Variants in SLC25A13 observed in about 807,000 individuals in gnomAD.
SLC25A13 encodes the protein electrogenic aspartate/glutamate antiporter SLC25A13, mitochondrial.
SLC25A13 carries 70 observed loss-of-function variants against 85.5 expected under a neutral mutation model. The ratio of observed to expected loss-of-function variants is 0.82; its 90% CI spans 0.68 to 1.00. SLC25A13 has a LOEUF of 1.00. Among genes scored for constraint, SLC25A13 ranks in the 50% least tolerant of loss-of-function variants. The pLI is 0.00. For synonymous variants in SLC25A13, 259 were observed against 288.7 expected (o/e 0.90, Z 1.04); for missense variants, 765 against 819.8 (o/e 0.93, Z 0.82).
intron 5 of SLC25A13, among the ~76,000 whole-genome samples, chr7:96,203,331 C>T (rs73710222): frequency 1.3e-5 from 2 of 152,048 alleles, no homozygotes; most frequent in Admixed American, 6.5e-5. Context: ...GAGGGGAGGT[C>T]GGTGGAGAGG....
In SLC25A13 at chr7:96,154,795, CTTTTTCTT is replaced by C. The variant is rs888655407; in HGVS notation, c.1312-8107_1312-8100del. Among the ~76,000 whole-genome samples, 22 of 122,376 alleles carry C rather than the reference CTTTTTCTT, an allele frequency of 1.8e-4. 1 individual carries two copies. The South Asian group carries it at 2.7e-3, about 15-fold the overall frequency. The allele number at this position is 122,376 out of a possible 152,430, so 80.3% of individuals were successfully genotyped here. On this transcript the variant is annotated intron_variant, in intron 13 of 17. Transcript: ENST00000265631. ...GGCTGGTTTTGATACATTTCAGCAT[CTTTTTCTT>C]TTTTTTTTTTTTAAGACAGAGTCTC...
intron 1 of SLC25A13, among the ~76,000 whole-genome samples, chr7:96,314,667 C>T (rs1410712779): frequency 1.3e-5 from 2 of 152,172 alleles, no homozygotes; most frequent in African/African-American, 4.8e-5. Flanking sequence ...AATCCTCACA[C>T]ATAGTGGAGA....
intron 2 of SLC25A13, among the ~76,000 whole-genome samples, chr7:96,292,502 G>A (rs563576233): frequency 6.6e-6 from 1 of 152,330 alleles, no homozygotes; most frequent in African/African-American, 2.4e-5. Context: ...CCTGTTTGCA[G>A]ATGACATGAT....
chr7:96,199,547 C>T (rs527526808), intron 5 of SLC25A13, among the ~76,000 whole-genome samples: 56 of 152,214 alleles, frequency 3.7e-4, no homozygotes, highest in Non-Finnish European at 6.6e-4. Context: ...AGACAAATGG[C>T]CCTTCCTATC....
At chr7:96,134,876 C>T (rs1264999884) in intron 14 of SLC25A13, among the ~76,000 whole-genome samples, 2 of 147,376 alleles carry the variant, frequency 1.4e-5, no homozygotes, top group Non-Finnish European at 1.5e-5. Flanking sequence ...GGTTGTATTT[C>T]GTTTTCCAGG....
rs554694466 is a variant in SLC25A13, at chr7:96,121,127, C to T, written c.*64G>A. ...AAAGGGATGAAGCATTGCTTCATTC[C>T]CAGGAGGGATGTTCTTTACTGCAGT... On this transcript the variant is annotated 3_prime_UTR_variant, in exon 18 of 18. Transcript: ENST00000265631. The T allele has an allele frequency of 7.7e-6, 12 of 1,554,376 alleles. No homozygotes were observed. The African/African-American group carries it at 1.5e-4, about 19-fold the overall frequency.
At chr7:96,292,817 A>G (rs566266280) in intron 2 of SLC25A13, among the ~76,000 whole-genome samples, 83 of 152,322 alleles carry the variant, frequency 5.4e-4, no homozygotes, top group African/African-American at 1.8e-3. Flanking sequence ...ATGCTCATGG[A>G]TAGGAAGAAT....
At chr7:96,190,430 C>A (rs1427522730) in intron 7 of SLC25A13, among the ~76,000 whole-genome samples, 1 of 151,714 alleles carries the variant, frequency 6.6e-6, no homozygotes, top group Non-Finnish European at 1.5e-5. Flanking sequence ...CTGATAATAT[C>A]CTGTCCCAAG....
rs535242837 is a variant in SLC25A13 at position 96,241,331 on chromosome 7, G to A, written c.213-6414C>T. On this transcript the variant is annotated intron_variant, in intron 3 of 17. Transcript: ENST00000265631. ...ATCCTAAAAAATAATTCATAAATGCGTGCAAACTTTAATCTACAAGGATAT... is the reference window on the plus strand; with the variant it reads ...ATCCTAAAAAATAATTCATAAATGCATGCAAACTTTAATCTACAAGGATAT... Among the ~76,000 whole-genome samples the A allele has an allele frequency of 9.9e-5, 15 of 152,256 alleles. No homozygotes were observed. In the South Asian group the frequency reaches 2.9e-3, roughly 29 times the overall value.
Position 96,120,458 on chromosome 7 carries a change from T to G in SLC25A13, c.*733A>C, listed in dbSNP as rs538235683. The G allele has an allele frequency of 1.4e-4, 62 of 454,466 alleles. No homozygotes were observed. Among genetic ancestry groups the G allele is most frequent in the African/African-American group, 1.1e-3 (56 of 50,124 alleles). 28.2% of individuals were successfully genotyped at this position (454,466 alleles called of 1,614,324 possible). ...ATTAAAATAGGCAGTAATCAGTACATGTACATCATATGAGCAGTTTTTCAA... is the reference window on the plus strand; with the variant it reads ...ATTAAAATAGGCAGTAATCAGTACAGGTACATCATATGAGCAGTTTTTCAA... On this transcript the variant is annotated 3_prime_UTR_variant, in exon 18 of 18. Coordinates refer to ENST00000265631, the MANE Select transcript of SLC25A13 (RefSeq NM_014251.3).
At chr7:96,194,682 T>C (rs1188315254) in intron 5 of SLC25A13, among the ~76,000 whole-genome samples, 2 of 152,136 alleles carry the variant, frequency 1.3e-5, no homozygotes, top group African/African-American at 2.4e-5. Flanking sequence ...TCGATCTTCC[T>C]TTCCTTCCCC....
chr7:96,233,590 T>A (rs551122936), intron 4 of SLC25A13, among the ~76,000 whole-genome samples: 1 of 151,982 alleles, frequency 6.6e-6, no homozygotes, highest in Non-Finnish European at 1.5e-5. Context: ...GCGAAGGGGG[T>A]TGGCACAATA....
At chr7:96,299,704 C>G (rs1562916169) in intron 1 of SLC25A13, among the ~76,000 whole-genome samples, 1 of 152,158 alleles carries the variant, frequency 6.6e-6, no homozygotes, top group Non-Finnish European at 1.5e-5. Context: ...AACAGGATAA[C>G]ATTCTGAAAA....
At chr7:96,278,859 G>A (rs1256747608) in intron 2 of SLC25A13, among the ~76,000 whole-genome samples, 1 of 152,080 alleles carries the variant, frequency 6.6e-6, no homozygotes, top group African/African-American at 2.4e-5. Flanking sequence ...AAAACAAGAT[G>A]AAAATATAAA....
At chr7:96,129,094 G>A (rs1791890555) in intron 15 of SLC25A13, among the ~76,000 whole-genome samples, 1 of 151,994 alleles carries the variant, frequency 6.6e-6, no homozygotes, top group East Asian at 1.9e-4. Context: ...ATGTCATTGA[G>A]CCATCTTGAA....
intron 3 of SLC25A13, among the ~76,000 whole-genome samples, chr7:96,248,134 A>C (rs1430326930): frequency 6.6e-6 from 1 of 152,200 alleles, no homozygotes; most frequent in African/African-American, 2.4e-5. Context: ...GAGATACATC[A>C]TAATTTCAGA....
intron 13 of SLC25A13, among the ~76,000 whole-genome samples, chr7:96,151,340 G>T (rs1183971350): frequency 6.6e-6 from 1 of 152,182 alleles, no homozygotes; most frequent in Admixed American, 6.5e-5. Flanking sequence ...GCTCACACCT[G>T]TAATCCCAGC....
chr7:96,273,489 G>A (rs1016240372), intron 3 of SLC25A13, among the ~76,000 whole-genome samples: 3 of 152,082 alleles, frequency 2.0e-5, no homozygotes, highest in African/African-American at 7.2e-5. Context: ...ATAATAGCAT[G>A]GGGGGTTATG....
At chr7:96,203,332 G>A (rs776049665) in intron 5 of SLC25A13, among the ~76,000 whole-genome samples, 30 of 152,108 alleles carry the variant, frequency 2.0e-4, no homozygotes, top group Non-Finnish European at 3.5e-4. Flanking sequence ...AGGGGAGGTC[G>A]GTGGAGAGGC....
Sources: gnomAD v4.1 joint callset for allele counts (sites outside exome capture counted in the v4.1 genomes callset) on GRCh38, gnomAD v4.1.1 for gene constraint, MANE v1.5 for transcripts, NCBI Gene and HGNC (gene_info 2026-07-23, HGNC 2026-07-21) for gene names.